GALNTL6: variants seen among roughly 807,000 people sequenced by gnomAD.
GALNTL6 encodes polypeptide N-acetylgalactosaminyltransferase like 6, also known as polypeptide N-acetylgalactosaminyltransferase-like 6.
Under a neutral mutation model 73.7 loss-of-function variants are expected in GALNTL6, and 46 were observed. That is an observed-to-expected ratio of 0.62 (90% CI 0.49 to 0.80). GALNTL6 has a LOEUF of 0.80. Ranked by LOEUF, GALNTL6 falls within the 30% of genes least tolerant of loss-of-function variation. The probability of loss-of-function intolerance (pLI) is 0.00; values close to 1 mark genes in which losing one functional copy is unlikely to be tolerated. For missense variants in GALNTL6, 604 were observed against 755.0 expected, an observed-to-expected ratio of 0.80 and a Z score of 2.34; for synonymous variants, 259 against 263.7, an observed-to-expected ratio of 0.98 and a Z score of 0.17.
intron 2 of GALNTL6, among the ~76,000 whole-genome samples, chr4:171,908,850 T>C (rs1737383045): frequency 6.6e-6 from 1 of 151,186 alleles, no homozygotes; most frequent in Non-Finnish European, 1.5e-5. Flanking sequence ...TGTAGGGACA[T>C]GGATGAAATT....
chr4:172,663,420 G>A (rs190926036), intron 5 of GALNTL6, among the ~76,000 whole-genome samples: 1 of 152,222 alleles, frequency 6.6e-6, no homozygotes, highest in East Asian at 1.9e-4. Context: ...TCACCCTTCT[G>A]TTCACCAGAT....
chr4:172,459,580 G>T (rs1470390337), intron 5 of GALNTL6, among the ~76,000 whole-genome samples: 2 of 152,144 alleles, frequency 1.3e-5, no homozygotes, highest in Admixed American at 6.5e-5. Flanking sequence ...TAGACAAACA[G>T]AGAGTCAAAT....
At chr4:172,202,068 T>A (rs1735974831) in intron 2 of GALNTL6, among the ~76,000 whole-genome samples, 1 of 152,076 alleles carries the variant, frequency 6.6e-6, no homozygotes, top group Non-Finnish European at 1.5e-5. Context: ...GGGAAAAGAG[T>A]GAGGCATTAG....
At chr4:172,988,420 T>C (rs1751391438) in intron 10 of GALNTL6, among the ~76,000 whole-genome samples, 1 of 152,200 alleles carries the variant, frequency 6.6e-6, no homozygotes, top group Admixed American at 6.5e-5. Flanking sequence ...CAGCATATGG[T>C]CATATGCATG....
intron 5 of GALNTL6, among the ~76,000 whole-genome samples, chr4:172,485,922 G>A (rs1045860791): frequency 1.3e-5 from 2 of 152,086 alleles, no homozygotes; most frequent in Non-Finnish European, 2.9e-5. Context: ...TTGCACCAAC[G>A]GGACAATTTC....
chr4:172,560,410 A>G (rs1198540321), intron 5 of GALNTL6, among the ~76,000 whole-genome samples: 1 of 152,090 alleles, frequency 6.6e-6, no homozygotes, highest in Non-Finnish European at 1.5e-5. Flanking sequence ...AGGCAGGAGG[A>G]TCACTTGAGC....
chr4:172,059,079 T>C (rs1294020966), intron 2 of GALNTL6, among the ~76,000 whole-genome samples: 2 of 152,200 alleles, frequency 1.3e-5, no homozygotes, highest in Non-Finnish European at 2.9e-5. Context: ...AGTGTGTCTA[T>C]CTACCAGGCT....
At chr4:172,937,281 G>A (rs1204569845) in intron 9 of GALNTL6, among the ~76,000 whole-genome samples, 1 of 151,972 alleles carries the variant, frequency 6.6e-6, no homozygotes, top group African/African-American at 2.4e-5. Context: ...AATGCAAGGA[G>A]CATTTGTAAA....
intron 10 of GALNTL6, among the ~76,000 whole-genome samples, chr4:172,991,779 G>A (rs1161183700): frequency 6.6e-6 from 1 of 152,074 alleles, no homozygotes. Context: ...CATAAGATAT[G>A]GTTTTGACAA....
intron 4 of GALNTL6, among the ~76,000 whole-genome samples, chr4:172,334,931 A>T (rs1414510104): frequency 2.0e-5 from 3 of 151,172 alleles, no homozygotes; most frequent in African/African-American, 4.9e-5. Context: ...TTGTAAAGAG[A>T]TGTTGAATTT....
intron 3 of GALNTL6, among the ~76,000 whole-genome samples, chr4:172,280,537 ACCAT>A (rs1225101686): frequency 6.6e-6 from 1 of 151,964 alleles, no homozygotes; most frequent in Non-Finnish European, 1.5e-5. Context: ...AGACCTTTGA[ACCAT>A]CCAGAGTTCA....
At chr4:172,965,260 G>A (rs1372363313) in intron 10 of GALNTL6, among the ~76,000 whole-genome samples, 3 of 152,162 alleles carry the variant, frequency 2.0e-5, no homozygotes, top group Admixed American at 2.0e-4. Context: ...CATTGAGACA[G>A]GGCTATGAAG....
chr4:172,453,081 G>A (rs1487925846), intron 5 of GALNTL6, among the ~76,000 whole-genome samples: 3 of 152,142 alleles, frequency 2.0e-5, no homozygotes, highest in Non-Finnish European at 4.4e-5. Flanking sequence ...CACACCTGTA[G>A]TCCCAGCTAC....
intron 8 of GALNTL6, among the ~76,000 whole-genome samples, chr4:172,908,688 C>T (rs2111257594): frequency 6.8e-6 from 1 of 146,740 alleles, no homozygotes; most frequent in South Asian, 2.2e-4. Context: ...TAAAAAGAAA[C>T]CACCCAAAGG....
chr4:172,654,095 G>A (rs1361427186), intron 5 of GALNTL6, among the ~76,000 whole-genome samples: 1 of 152,116 alleles, frequency 6.6e-6, no homozygotes, highest in Non-Finnish European at 1.5e-5. Flanking sequence ...TCATCATTAA[G>A]CCATTTTCGT....
chr4:172,377,667 C>G (rs572180827), intron 5 of GALNTL6, among the ~76,000 whole-genome samples: 1 of 152,120 alleles, frequency 6.6e-6, no homozygotes, highest in Non-Finnish European at 1.5e-5. Context: ...GCTGCAGGTC[C>G]CAAGCCCTGC....
At chr4:172,192,892 T>G (rs1735629874) in intron 2 of GALNTL6, among the ~76,000 whole-genome samples, 1 of 152,190 alleles carries the variant, frequency 6.6e-6, no homozygotes, top group African/African-American at 2.4e-5. Flanking sequence ...GTACAGTGGC[T>G]GTGGCAGATA....
intron 3 of GALNTL6, among the ~76,000 whole-genome samples, chr4:172,287,188 G>C (rs923962097): frequency 6.6e-6 from 1 of 152,104 alleles, no homozygotes; most frequent in African/African-American, 2.4e-5. Flanking sequence ...TTTAAATTAA[G>C]AGCTTACATT....
intron 11 of GALNTL6, among the ~76,000 whole-genome samples, chr4:173,012,174 A>C (rs1021110136): frequency 5.3e-5 from 8 of 152,240 alleles, no homozygotes; most frequent in African/African-American, 9.6e-5. Context: ...TCTCTTATGA[A>C]AAGCAAAAAA....
Sources: gnomAD v4.1 joint callset for allele counts (sites outside exome capture counted in the v4.1 genomes callset) on GRCh38, gnomAD v4.1.1 for gene constraint, MANE v1.5 for transcripts, NCBI Gene and HGNC (gene_info 2026-07-23, HGNC 2026-07-21) for gene names.